IHH: variants seen among roughly 807,000 people sequenced by gnomAD.
IHH encodes the protein Indian hedgehog signaling molecule, also known as indian hedgehog protein.
A neutral mutation model predicts 29.4 loss-of-function variants in IHH; 9 were observed. The observed-to-expected ratio is 0.31, with a 90% CI of 0.18 to 0.53. The LOEUF (loss-of-function observed/expected upper bound fraction) is 0.53, where lower values mean the gene tolerates loss of function less well. Among genes scored for constraint, IHH ranks in the 20% least tolerant of loss-of-function variants. The pLI is 0.95. For synonymous variants in IHH, 254 were observed against 252.7 expected (o/e 1.01, Z -0.05); for missense variants, 454 against 578.1 (o/e 0.79, Z 2.20).
In IHH at chr2:219,055,466, A is replaced by G. The variant is rs1040660544; in HGVS notation, c.977T>C (p.Leu326Pro). Reference protein sequence around the residue: ...RVAAVSTHVALGAYAPLTKHG... With the variant: ...RVAAVSTHVAPGAYAPLTKHG... ...CTTTGTGAGCGGGGCGTAGGCCCCGAGGGCCACGTGTGTAGAGACAGCTGC... is the reference window on the plus strand; with the variant it reads ...CTTTGTGAGCGGGGCGTAGGCCCCGGGGGCCACGTGTGTAGAGACAGCTGC... The change falls in exon 3 of 3, where the codon CTC (leucine) becomes CCC (proline). Residue 326 changes from leucine (L) to proline (P), a missense_variant. Leu to Pro is a moderately conservative substitution (Grantham distance 98). Around this residue, in one of 3 missense-constraint regions of IHH, gnomAD observed 271 missense variants for 315.9 expected, o/e 0.86. Transcript: ENST00000295731. 2 of 1,611,044 alleles carry G rather than the reference A, an allele frequency of 1.2e-6. No individual in the cohort carries two copies. Among genetic ancestry groups the G allele is most frequent in the Non-Finnish European group, 1.7e-6 (2 of 1,178,418 alleles).
chr2:219,060,374 G>T lies in IHH; in HGVS notation c.94C>A (p.Arg32=). ...VPAAWGCGPG[R]VVGSRRRPPR... The stretch of plus-strand genomic sequence containing the variant: ...GGTCGCCGGCGGCTGCCCACCACCC[G>T]ACCCGGCCCGCAGCCCCATGCCGCC... Residue 32 remains arginine, a synonymous_variant, in exon 1 of 3, where the codon CGG becomes AGG. Coordinates refer to ENST00000295731, the MANE Select transcript of IHH (RefSeq NM_002181.4). This position sits in a 1 kb window ranked among gnomAD's most constrained non-coding sequence, Gnocchi z 8.8. 1.2e-5 allele frequency: 20 copies of T among 1,603,736 alleles called. No homozygotes were observed. The highest frequency in any genetic ancestry group is 2.2e-5 in the East Asian group (1 of 44,754).
chr2:219,059,932 C>G lies in IHH; in HGVS notation c.315+221G>C, dbSNP rs531712112. ...CCTGCTGGGCTGTGGGGCTTGGCAG[C>G]GGGGAGCTCTTCTAGCAGTCTCCTC... On this transcript the variant is annotated intron_variant, in intron 1 of 2. Coordinates refer to ENST00000295731, the MANE Select transcript of IHH (RefSeq NM_002181.4). This position sits in a 1 kb window ranked among gnomAD's most constrained non-coding sequence, Gnocchi z 4.7. 6.6e-6 allele frequency among the ~76,000 whole-genome samples: 1 copy of G among 152,212 alleles called. No individual in the cohort carries two copies. The highest frequency in any genetic ancestry group is 2.4e-5 in the African/African-American group (1 of 41,544).
chr2:219,060,026 G>T lies in IHH; in HGVS notation c.315+127C>A. ...CCCATCTTGGGCAGGAGGCAGCGGG[G>T]CTTGGCGAGAGGGGCAGGTGCCAGG... is the stretch of plus-strand genomic sequence containing the variant. On this transcript the variant is annotated intron_variant, in intron 1 of 2. Transcript: ENST00000295731. The surrounding 1 kb of genome is among the most constrained non-coding windows in gnomAD (Gnocchi z 8.8). 1 of 830,860 alleles carries T rather than the reference G, an allele frequency of 1.2e-6. No individual in the cohort carries two copies. The highest frequency in any genetic ancestry group is 1.9e-6 in the Non-Finnish European group (1 of 529,816). 51.5% of individuals were successfully genotyped at this position (830,860 alleles called of 1,614,324 possible).
In IHH at chr2:219,060,231, C is replaced by A. The variant is rs777335507; in HGVS notation, c.237G>T (p.Lys79Asn). ...GKIARSSERF[K>N]ELTPNYNPDI... ...CTGGATTGTAATTGGGGGTGAGCTCCTTGAAGCGCTCGGAGCTGCGAGCGA... is the reference window on the plus strand; with the variant it reads ...CTGGATTGTAATTGGGGGTGAGCTCATTGAAGCGCTCGGAGCTGCGAGCGA... Residue 79 changes from lysine (K) to asparagine (N), a missense_variant, in exon 1 of 3, where the codon AAG (lysine) becomes AAT (asparagine). Lys to Asn is a moderately conservative substitution (Grantham distance 94). Transcript: ENST00000295731. The surrounding 1 kb of genome is among the most constrained non-coding windows in gnomAD (Gnocchi z 8.8). The A allele has an allele frequency of 1.9e-6, 3 of 1,613,702 alleles. No homozygotes were observed. In the South Asian group the frequency reaches 3.3e-5, roughly 18 times the overall value.
At position 219,060,723 on chromosome 2, in the gene IHH, TAAA is replaced by T. The variant is rs1431952226; in HGVS notation, c.-259_-257del. On this transcript the variant is annotated 5_prime_UTR_variant, in exon 1 of 3. Coordinates refer to ENST00000295731, the MANE Select transcript of IHH (RefSeq NM_002181.4). The surrounding 1 kb of genome is among the most constrained non-coding windows in gnomAD (Gnocchi z 8.8). Reference sequence around the variant, plus strand: ...AGCTGCCGGGCTCGCCGGCCGCCAATAAATAGGCCGGCCCGTTTGTTTTGGCAA... The same window carrying T: ...AGCTGCCGGGCTCGCCGGCCGCCAATTAGGCCGGCCCGTTTGTTTTGGCAA... Among the ~76,000 whole-genome samples the T allele has an allele frequency of 6.7e-6, 1 of 148,988 alleles. No homozygotes were observed. The highest frequency in any genetic ancestry group is 1.5e-5 in the Non-Finnish European group (1 of 67,046).
At position 219,055,091 on chromosome 2, in the gene IHH, G is replaced by A. The variant is rs1948817324; in HGVS notation, c.*116C>T. 1 of 1,069,864 alleles carries A rather than the reference G, an allele frequency of 9.3e-7. No individual in the cohort carries two copies. The highest frequency in any genetic ancestry group is 1.6e-5 in the African/African-American group (1 of 63,216). 66.3% of individuals were successfully genotyped at this position (1,069,864 alleles called of 1,614,324 possible). On this transcript the variant is annotated 3_prime_UTR_variant, in exon 3 of 3. Coordinates refer to ENST00000295731, the MANE Select transcript of IHH (RefSeq NM_002181.4). The stretch of plus-strand genomic sequence containing the variant: ...TCAATGGTGTATCTTCATGGCAGAG[G>A]AGATGGCAGGAGCCAGTGTCCCCCA...
rs990996003 is a variant in IHH, at chr2:219,060,631, G to A, written c.-164C>T. Among the ~76,000 whole-genome samples, 1 of 151,486 alleles carries A rather than the reference G, an allele frequency of 6.6e-6. No individual in the cohort carries two copies. Among genetic ancestry groups the A allele is most frequent in the Non-Finnish European group, 1.5e-5 (1 of 67,768 alleles). On this transcript the variant is annotated 5_prime_UTR_variant, in exon 1 of 3. Coordinates refer to ENST00000295731, the MANE Select transcript of IHH (RefSeq NM_002181.4). The surrounding 1 kb of genome is among the most constrained non-coding windows in gnomAD (Gnocchi z 8.8). ...TGCGGCCAGGGCCGGCGGGACTCAA[G>A]TGCGGGGCGGGGGCCCAGGGCCCGA... is the stretch of plus-strand genomic sequence containing the variant.
At position 219,057,528 on chromosome 2, in the gene IHH, T is replaced by G; in HGVS notation, c.482A>C (p.Asn161Thr). 1.2e-6 allele frequency: 2 copies of G among 1,614,004 alleles called. No homozygotes were observed. Among genetic ancestry groups the G allele is most frequent in the Non-Finnish European group, 1.7e-6 (2 of 1,180,004 alleles). ...VDITTSDRDR[N>T]KYGLLARLAV... ...CAAGCGCGCCAGCAGTCCATACTTA[T>G]TGCGGTCGCGGTCTGATGTGGTGAT... The change falls in exon 2 of 3, where the codon AAT (asparagine) becomes ACT (threonine). Residue 161 changes from asparagine (N) to threonine (T), a missense_variant. Physicochemically the swap from Asn to Thr is moderately conservative, Grantham distance 65. Around this residue, in one of 3 missense-constraint regions of IHH, gnomAD observed 70 missense variants for 140.1 expected, o/e 0.50. Transcript: ENST00000295731.
Position 219,057,419 on chromosome 2 carries a change from C to A in IHH, c.577+14G>T. ...GGCCCCGGCCCCGGGCCCAGCCCCC[C>A]GGCGGCGGCTCACCGGACTTGACGG... is the stretch of plus-strand genomic sequence containing the variant. On this transcript the variant is annotated intron_variant, in intron 2 of 2. Transcript: ENST00000295731. 5 of 1,556,334 alleles carry A rather than the reference C, an allele frequency of 3.2e-6. No individual in the cohort carries two copies. The highest frequency in any genetic ancestry group is 2.4e-5 in the East Asian group (1 of 41,104).
rs1948872312 is a variant in IHH, at chr2:219,060,519, G to A, written c.-52C>T. The stretch of plus-strand genomic sequence containing the variant: ...GCGAGGTCTCCTGGTGGGCTGATGG[G>A]CAGGCGCGTCGACGGGAGCGCTGCG... On this transcript the variant is annotated 5_prime_UTR_variant, in exon 1 of 3. Transcript: ENST00000295731. The surrounding 1 kb of genome is among the most constrained non-coding windows in gnomAD (Gnocchi z 8.8). 3 of 1,295,770 alleles carry A rather than the reference G, an allele frequency of 2.3e-6. No homozygotes were observed. The highest frequency in any genetic ancestry group is 3.0e-6 in the Non-Finnish European group (3 of 1,007,246). 80.3% of individuals were successfully genotyped at this position (1,295,770 alleles called of 1,614,324 possible).
At position 219,060,063 on chromosome 2, in the gene IHH, C is replaced by T; in HGVS notation, c.315+90G>A. ...GGGCAGGTGCCAGGGAGCGTGCCAG[C>T]CAGTCGAGAAAATGTGCCAGGGGGT... On this transcript the variant is annotated intron_variant, in intron 1 of 2. Transcript: ENST00000295731. This position sits in a 1 kb window ranked among gnomAD's most constrained non-coding sequence, Gnocchi z 8.8. 8.6e-7 allele frequency: 1 copy of T among 1,163,730 alleles called. No homozygotes were observed. Among genetic ancestry groups the T allele is most frequent in the Non-Finnish European group, 1.2e-6 (1 of 808,828 alleles). 72.1% of individuals were successfully genotyped at this position (1,163,730 alleles called of 1,614,324 possible).
At chr2:219,057,096 G>C (rs566443854) in intron 2 of IHH, among the ~76,000 whole-genome samples, 1 of 152,296 alleles carries the variant, frequency 6.6e-6, no homozygotes, top group East Asian at 1.9e-4. Context: ...TGCCAGGTGG[G>C]GTGGGGAGGC....
intron 1 of IHH, 129 bp from the exon 2 acceptor site, chr2:219,057,823 G>T: frequency 7.8e-7 from 1 of 1,289,386 alleles, no homozygotes; most frequent in South Asian, 1.3e-5. Flanking sequence ...AGCCCGGGAG[G>T]GTGCTGTCCC....
In IHH at chr2:219,057,667, C is replaced by T. The variant is rs1315245540; in HGVS notation, c.343G>A (p.Ala115Thr). The change falls in exon 2 of 3, where the codon GCT becomes ACT. Residue 115 changes from alanine to threonine, a missense_variant. By Grantham distance (58) the Ala-to-Thr change is moderately conservative. Coordinates refer to ENST00000295731, the MANE Select transcript of IHH (RefSeq NM_002181.4). ...GGCCACTGGTTCATCACCGAGATAG[C>T]CAGCGAGTTCAGGCGGTCCTTGCAG... The part of the protein sequence containing the change: ...QRCKDRLNSL[A>T]ISVMNQWPGV... The T allele has an allele frequency of 6.2e-7, 1 of 1,609,818 alleles. No individual in the cohort carries two copies. Among genetic ancestry groups the T allele is most frequent in the Non-Finnish European group, 8.5e-7 (1 of 1,180,008 alleles).
In IHH at chr2:219,060,300, C is replaced by G; in HGVS notation, c.168G>C (p.Val56=). ...PLAYKQFSPN[V]PEKTLGASGR... ...CGCTGGCGCCCAGGGTCTTCTCGGG[C>G]ACATTGGGGCTGAACTGCTTGTAGG... The change falls in exon 1 of 3, where the codon GTG becomes GTC. Residue 56 remains valine, a synonymous_variant. Transcript: ENST00000295731. This position sits in a 1 kb window ranked among gnomAD's most constrained non-coding sequence, Gnocchi z 8.8. The G allele has an allele frequency of 6.2e-7, 1 of 1,613,078 alleles. No individual in the cohort carries two copies. Among genetic ancestry groups the G allele is most frequent in the Non-Finnish European group, 8.5e-7 (1 of 1,179,824 alleles).
Position 219,060,644 on chromosome 2 carries a change from G to A in IHH, c.-177C>T, listed in dbSNP as rs1347544204. Among the ~76,000 whole-genome samples, 3 of 150,936 alleles carry A rather than the reference G, an allele frequency of 2.0e-5. No individual in the cohort carries two copies. Among genetic ancestry groups the A allele is most frequent in the African/African-American group, 7.3e-5 (3 of 41,332 alleles). ...GGCGGGACTCAAGTGCGGGGCGGGGGCCCAGGGCCCGAGCTGGTGGCGGCG... is the reference window on the plus strand; with the variant it reads ...GGCGGGACTCAAGTGCGGGGCGGGGACCCAGGGCCCGAGCTGGTGGCGGCG... On this transcript the variant is annotated 5_prime_UTR_variant, in exon 1 of 3. Transcript: ENST00000295731. This position sits in a 1 kb window ranked among gnomAD's most constrained non-coding sequence, Gnocchi z 8.8.
chr2:219,058,973 G>T (rs2106309601), intron 1 of IHH, among the ~76,000 whole-genome samples: 1 of 152,238 alleles, frequency 6.6e-6, no homozygotes, highest in African/African-American at 2.4e-5. Context: ...AGACCCTGCC[G>T]TCAGGCTTCT....
intron 1 of IHH, among the ~76,000 whole-genome samples, chr2:219,058,060 T>C (rs1948846396): frequency 6.6e-6 from 1 of 152,178 alleles, no homozygotes; most frequent in Admixed American, 6.5e-5. Context: ...CCGGTCCCTC[T>C]GTGCCTCCAA....
chr2:219,060,604 G>A lies in IHH; in HGVS notation c.-137C>T, dbSNP rs1376118430. Reference sequence around the variant, plus strand: ...CAGGCGGGGGCGCCATGGGCGGCGTGGTGCGGCCAGGGCCGGCGGGACTCA... The same window carrying A: ...CAGGCGGGGGCGCCATGGGCGGCGTAGTGCGGCCAGGGCCGGCGGGACTCA... On this transcript the variant is annotated 5_prime_UTR_variant, in exon 1 of 3. Transcript: ENST00000295731. This position sits in a 1 kb window ranked among gnomAD's most constrained non-coding sequence, Gnocchi z 8.8. 1.6e-5 allele frequency: 8 copies of A among 489,548 alleles called. No homozygotes were observed. In the East Asian group the frequency reaches 1.9e-4, roughly 11 times the overall value. The allele number at this position is 489,548 out of a possible 1,614,324, so 30.3% of individuals were successfully genotyped here.
Sources: allele counts gnomAD v4.1 joint callset (sites outside exome capture counted in the v4.1 genomes callset), GRCh38; gene constraint gnomAD v4.1.1; regional missense constraint gnomAD v4.1.1; non-coding constraint Gnocchi (gnomAD v3.1); transcripts MANE v1.5; gene names NCBI Gene and HGNC (gene_info 2026-07-23, HGNC 2026-07-21).